The following HS6ST2 variants were observed in gnomAD, a reference collection of about 807,000 sequenced individuals.
HS6ST2 encodes heparan-sulfate 6-O-sulfotransferase 2.
Under a neutral mutation model 33.0 loss-of-function variants are expected in HS6ST2, and 17 were observed. The observed-to-expected ratio is 0.52, with a 90% CI of 0.35 to 0.77. HS6ST2 has a LOEUF of 0.77. Ranked by LOEUF, HS6ST2 falls within the 30% of genes least tolerant of loss-of-function variation. The pLI, the probability that HS6ST2 is intolerant of heterozygous loss-of-function variation, is 0.01. For missense variants in HS6ST2, 519 were observed against 551.7 expected (o/e 0.94, Z 0.59); for synonymous variants, 248 against 237.1 (o/e 1.05, Z -0.42).
At chrX:132,789,356 T>A (rs1602677735) in intron 2 of HS6ST2, among the ~76,000 whole-genome samples, 1 of 111,096 alleles carries the variant, frequency 9.0e-6, no homozygotes, top group East Asian at 2.9e-4. Context: ...GTTTATAGCA[T>A]GATTTAGTGA....
intron 2 of HS6ST2, among the ~76,000 whole-genome samples, chrX:132,745,205 C>A (rs2064625782): frequency 9.0e-6 from 1 of 111,544 alleles, no homozygotes; most frequent in African/African-American, 3.3e-5. Flanking sequence ...CCTGCCTCAG[C>A]CTCCTGAATA....
At chrX:132,940,407 T>C (rs999757485) in intron 2 of HS6ST2, among the ~76,000 whole-genome samples, 2 of 111,185 alleles carry the variant, frequency 1.8e-5, no homozygotes, top group African/African-American at 6.5e-5. Flanking sequence ...CCTTCAGAAG[T>C]GACAAAGAAA....
At chrX:132,839,434 A>G (rs192102574) in intron 2 of HS6ST2, among the ~76,000 whole-genome samples, 9 of 69,558 alleles carry the variant, frequency 1.3e-4, no homozygotes, top group African/African-American at 4.9e-4. Flanking sequence ...ATCTTATGTC[A>G]AACAACTCAG....
chrX:132,757,534 G>C (rs1361360739), intron 2 of HS6ST2, among the ~76,000 whole-genome samples: 1 of 111,092 alleles, frequency 9.0e-6, no homozygotes, highest in Non-Finnish European at 1.9e-5. Flanking sequence ...AATGCAGAGT[G>C]GGGTGGGGAC....
At chrX:132,640,395 TG>T (rs1377757602) in intron 4 of HS6ST2, among the ~76,000 whole-genome samples, 2 of 111,051 alleles carry the variant, frequency 1.8e-5, no homozygotes, top group African/African-American at 6.6e-5. Flanking sequence ...GTGGGGTGGG[TG>T]GACGGCATTC....
chrX:132,920,675 C>T (rs1378632366), intron 2 of HS6ST2, among the ~76,000 whole-genome samples: 2 of 112,438 alleles, frequency 1.8e-5, no homozygotes, highest in East Asian at 5.6e-4. Flanking sequence ...GGGGTTTTAG[C>T]GTAAATGACA....
At chrX:132,938,833 A>T in intron 2 of HS6ST2, among the ~76,000 whole-genome samples, 1 of 112,205 alleles carries the variant, frequency 8.9e-6, no homozygotes, top group Non-Finnish European at 1.9e-5. Flanking sequence ...ATTTACAGAT[A>T]GCATAAGCAT....
chrX:132,763,430 G>T (rs1454625367), intron 2 of HS6ST2, among the ~76,000 whole-genome samples: 1 of 112,377 alleles, frequency 8.9e-6, no homozygotes. Flanking sequence ...AAATACTTGG[G>T]TTTTAATCCT....
chrX:132,858,255 T>C (rs1183724139), intron 2 of HS6ST2, among the ~76,000 whole-genome samples: 2 of 111,937 alleles, frequency 1.8e-5, no homozygotes, highest in African/African-American at 3.2e-5. Context: ...AAATGGTGTG[T>C]ATGTCAACCC....
chrX:132,643,190 G>C (rs752683212), intron 4 of HS6ST2, among the ~76,000 whole-genome samples: 6 of 111,762 alleles, frequency 5.4e-5, no homozygotes, highest in Admixed American at 9.5e-5. Flanking sequence ...ATTTTTGACA[G>C]AATAGAATCT....
chrX:132,648,316 C>T (rs1298177224), intron 4 of HS6ST2, among the ~76,000 whole-genome samples: 3 of 111,118 alleles, frequency 2.7e-5, no homozygotes, highest in African/African-American at 9.8e-5. Flanking sequence ...GTGCACTTCC[C>T]GTGGGTCCCA....
chrX:132,888,206 C>T lies in HS6ST2; in HGVS notation c.947+68602G>A, dbSNP rs775309169. Reference sequence around the variant, plus strand: ...CTCATGCTGTTAATAAAGACATTCCCGAGACTGGGTAATTTATAAAGATTA... The same window carrying T: ...CTCATGCTGTTAATAAAGACATTCCTGAGACTGGGTAATTTATAAAGATTA... On this transcript the variant is annotated intron_variant, in intron 2 of 4. Transcript: ENST00000370833. Among the ~76,000 whole-genome samples the T allele has an allele frequency of 7.2e-5, 8 of 110,975 alleles. No homozygotes were observed. The South Asian group carries it at 2.7e-3, about 38-fold the overall frequency.
chrX:132,886,904 G>A (rs965135267), intron 2 of HS6ST2, among the ~76,000 whole-genome samples: 4 of 111,285 alleles, frequency 3.6e-5, no homozygotes, highest in African/African-American at 6.5e-5. Context: ...GGAGGCCAAG[G>A]AGGGCAGATC....
chrX:132,745,017 T>C (rs773591094), intron 2 of HS6ST2, among the ~76,000 whole-genome samples: 17 of 112,093 alleles, frequency 1.5e-4, no homozygotes, highest in Non-Finnish European at 3.2e-4. Flanking sequence ...GGGTATATTG[T>C]GTAATTGCTG....
At chrX:132,862,764 C>T (rs752112229) in intron 2 of HS6ST2, among the ~76,000 whole-genome samples, 5 of 111,838 alleles carry the variant, frequency 4.5e-5, no homozygotes, top group Non-Finnish European at 9.4e-5. Context: ...GTAGGGTTGC[C>T]GTGACAACTA....
chrX:132,810,020 G>A (rs964343511), intron 2 of HS6ST2, among the ~76,000 whole-genome samples: 5 of 111,520 alleles, frequency 4.5e-5, no homozygotes, highest in African/African-American at 1.3e-4. Context: ...CTGAGTCTTC[G>A]TTTTCTGAAC....
chrX:132,726,188 G>A (rs1386748879), intron 2 of HS6ST2, among the ~76,000 whole-genome samples: 3 of 111,343 alleles, frequency 2.7e-5, no homozygotes, highest in African/African-American at 9.8e-5. Context: ...GTAACACAAA[G>A]GATAAATACT....
At chrX:132,947,357 T>C (rs1405371457) in intron 2 of HS6ST2, among the ~76,000 whole-genome samples, 2 of 110,893 alleles carry the variant, frequency 1.8e-5, no homozygotes, top group Non-Finnish European at 3.8e-5. Flanking sequence ...TCATTTTTTG[T>C]TCATTTTACC....
At chrX:132,858,481 G>T (rs1486481130) in intron 2 of HS6ST2, among the ~76,000 whole-genome samples, 2 of 111,900 alleles carry the variant, frequency 1.8e-5, no homozygotes, top group African/African-American at 6.5e-5. Context: ...CTAGGTGGTG[G>T]GCAAGAATGG....
Sources: gnomAD v4.1 joint callset for allele counts (sites outside exome capture counted in the v4.1 genomes callset) on GRCh38, gnomAD v4.1.1 for gene constraint, MANE v1.5 for transcripts, NCBI Gene and HGNC (gene_info 2026-07-23, HGNC 2026-07-21) for gene names.